Variants in AKIRIN1 observed in about 807,000 individuals in gnomAD.
The protein encoded by AKIRIN1 is akirin-1.
A neutral mutation model predicts 25.9 loss-of-function variants in AKIRIN1; 4 were observed. The ratio of observed to expected loss-of-function variants is 0.15; its 90% CI spans 0.08 to 0.35. The LOEUF (loss-of-function observed/expected upper bound fraction) is 0.35. Ranked by LOEUF, AKIRIN1 falls within the 10% of genes least tolerant of loss-of-function variation. The probability of loss-of-function intolerance (pLI) is 1.00; values close to 1 mark genes in which losing one functional copy is unlikely to be tolerated. For missense variants in AKIRIN1, 243 were observed against 266.1 expected (o/e 0.91, Z 0.61); for synonymous variants, 125 against 105.1 (o/e 1.19, Z -1.16).
At chr1:39,003,657 C>G (rs1644011341) in intron 4 of AKIRIN1, among the ~76,000 whole-genome samples, 1 of 152,166 alleles carries the variant, frequency 6.6e-6, no homozygotes, top group Non-Finnish European at 1.5e-5. Context: ...ATAATTTGCC[C>G]AAGCTTATAC....
chr1:38,998,414 CG>C, intron 2 of AKIRIN1, 103 bp downstream of exon 2: 1 of 1,246,022 alleles, frequency 8.0e-7, no homozygotes, highest in African/African-American at 1.5e-5. Flanking sequence ...GAATTGCTAA[CG>C]GGGATGTATT....
At chr1:38,994,052 A>T (rs1455437818) in intron 1 of AKIRIN1, among the ~76,000 whole-genome samples, 2 of 151,468 alleles carry the variant, frequency 1.3e-5, no homozygotes, top group Non-Finnish European at 3.0e-5. Context: ...CCTGGGTGAC[A>T]AGAGTGAAAC....
chr1:39,002,729 C>CA (rs200613128), intron 3 of AKIRIN1, among the ~76,000 whole-genome samples: 67 of 143,514 alleles, frequency 4.7e-4, no homozygotes, highest in Middle Eastern at 3.6e-3. Context: ...GACTCCATCT[C>CA]AAAAAAAAAA....
At position 39,004,090 on chromosome 1, in the gene AKIRIN1, T is replaced by G; in HGVS notation, c.*35T>G. On this transcript the variant is annotated 3_prime_UTR_variant, in exon 5 of 5. Transcript: ENST00000432648. ...ACATATCTGGGTACCAGGTTTGACC[T>G]CAAGAGATGGCTGCTGTACACTTTT... is the stretch of plus-strand genomic sequence containing the variant. The G allele has an allele frequency of 6.2e-7, 1 of 1,604,722 alleles. No homozygotes were observed. The highest frequency in any genetic ancestry group is 8.5e-7 in the Non-Finnish European group (1 of 1,171,464).
intron 1 of AKIRIN1, among the ~76,000 whole-genome samples, chr1:38,994,666 C>T (rs982454248): frequency 9.7e-5 from 11 of 113,222 alleles, no homozygotes; most frequent in African/African-American, 3.3e-4. Flanking sequence ...TCACTACGCT[C>T]GGCTAATTTT....
intron 2 of AKIRIN1, among the ~76,000 whole-genome samples, chr1:38,999,874 G>A (rs1557642686): frequency 1.3e-5 from 2 of 150,990 alleles, no homozygotes; most frequent in Non-Finnish European, 2.9e-5. Flanking sequence ...TTTTGTTTTT[G>A]TTTTTTGTTT....
At chr1:39,004,023 G>GT in intron 4 of AKIRIN1, 22 bp from the exon 5 acceptor site, 2 of 1,595,452 alleles carry the variant, frequency 1.3e-6, no homozygotes, top group Non-Finnish European at 1.7e-6. Flanking sequence ...TACCCTTTTT[G>GT]TTTTTTATTC....
intron 4 of AKIRIN1, 125 bp from the exon 5 acceptor site, chr1:39,003,920 A>G: frequency 1.3e-6 from 1 of 756,678 alleles, no homozygotes. Flanking sequence ...GATCTTTAGT[A>G]TCTTTTAAGT....
Position 38,991,547 on chromosome 1 carries a change from A to G in AKIRIN1, c.167A>G (p.Gln56Arg), listed in dbSNP as rs565247595. The G allele has an allele frequency of 6.2e-6, 9 of 1,449,002 alleles. No homozygotes were observed. In the Admixed American group the frequency reaches 2.0e-4, roughly 32 times the overall value. 89.8% of individuals were successfully genotyped at this position (1,449,002 alleles called of 1,614,324 possible). Residue 56 changes from glutamine to arginine, a missense_variant, in exon 1 of 5, where the codon CAG (glutamine) becomes CGG (arginine). Physicochemically the swap from Gln to Arg is conservative, Grantham distance 43. Transcript: ENST00000432648. ...PPPFQTQTPP[Q>R]SLQQPAPPGS... ...CCGTTTCAGACGCAGACCCCACCGC[A>G]GAGTCTGCAGCAGCCCGCCCCGCCC...
intron 2 of AKIRIN1, 36 bp downstream of exon 2, chr1:38,998,347 A>G: frequency 6.4e-7 from 1 of 1,569,510 alleles, no homozygotes. Flanking sequence ...TCGCATTAAG[A>G]GTTTGTAAAT....
In AKIRIN1 at chr1:38,991,359, C is replaced by G. The variant is rs1160069263; in HGVS notation, c.-22C>G. On this transcript the variant is annotated 5_prime_UTR_variant, in exon 1 of 5. Coordinates refer to ENST00000432648, the MANE Select transcript of AKIRIN1 (RefSeq NM_024595.3). ...CCGCACTTACCGCCGCGTCCGCTCC[C>G]GGTCCCTGGCCCCTCAGCGGCATGG... The G allele has an allele frequency of 2.0e-5, 27 of 1,338,414 alleles. No homozygotes were observed. The highest frequency in any genetic ancestry group is 2.4e-5 in the Non-Finnish European group (25 of 1,047,088). 82.9% of individuals were successfully genotyped at this position (1,338,414 alleles called of 1,614,324 possible). A position where few individuals can be genotyped will look rare whatever the true frequency, so the allele number is the denominator to read the frequency against.
chr1:38,992,009 A>C, intron 1 of AKIRIN1, among the ~76,000 whole-genome samples: 1 of 48,872 alleles, frequency 2.0e-5, no homozygotes, highest in African/African-American at 7.9e-5. Flanking sequence ...CGGGGGTGGG[A>C]TGGGGGCGGG....
In AKIRIN1 at chr1:39,004,988, T is replaced by A. The variant is rs551523490; in HGVS notation, c.*933T>A. On this transcript the variant is annotated 3_prime_UTR_variant, in exon 5 of 5. Coordinates refer to ENST00000432648, the MANE Select transcript of AKIRIN1 (RefSeq NM_024595.3). ...AGCACTGCTACTTGGGAGGAGCCAC[T>A]TCACCTTTGTATTAGTTATTAAAAA... 6.6e-6 allele frequency: 1 copy of A among 152,416 alleles called. No homozygotes were observed. The highest frequency in any genetic ancestry group is 1.9e-4 in the East Asian group (1 of 5,184). The allele number at this position is 152,416 out of a possible 1,614,324, so 9.4% of individuals were successfully genotyped here.
At chr1:38,998,053 A>G (rs1316643665) in intron 1 of AKIRIN1, 118 bp from the exon 2 acceptor site, 54 of 1,144,536 alleles carry the variant, frequency 4.7e-5, no homozygotes, top group Non-Finnish European at 6.3e-5. Context: ...TGAGACCTAC[A>G]TGCCAAAGGG....
chr1:38,997,246 T>TACA (rs1199907661), intron 1 of AKIRIN1, among the ~76,000 whole-genome samples: 1 of 152,192 alleles, frequency 6.6e-6, no homozygotes, highest in African/African-American at 2.4e-5. Flanking sequence ...GATTCTTTGT[T>TACA]GTTTCTAGGA....
At position 39,003,443 on chromosome 1, in the gene AKIRIN1, A is replaced by T. The variant is rs1644009854; in HGVS notation, c.568+25A>T. On this transcript the variant is annotated intron_variant, in intron 4 of 4. Coordinates refer to ENST00000432648, the MANE Select transcript of AKIRIN1 (RefSeq NM_024595.3). ...TGTAAGTATTGCCACATTTTCTTTG[A>T]ATTTTCTAAGTTTCAAGAGCAAAAT... The T allele has an allele frequency of 2.5e-6, 4 of 1,606,974 alleles. No individual in the cohort carries two copies. In the African/African-American group the frequency reaches 5.4e-5, roughly 22 times the overall value.
At chr1:38,992,635 C>G (rs936098932) in intron 1 of AKIRIN1, among the ~76,000 whole-genome samples, 4 of 152,138 alleles carry the variant, frequency 2.6e-5, no homozygotes, top group Non-Finnish European at 5.9e-5. Context: ...ATTCCTACAC[C>G]CAGCTAAAGC....
intron 2 of AKIRIN1, among the ~76,000 whole-genome samples, chr1:38,998,873 C>CA (rs397860789): frequency 0.22 from 29,753 of 136,866 alleles, 3,556 homozygotes; most frequent in East Asian, 0.47. Flanking sequence ...GTCTCTGTCT[C>CA]AAAAAAAAAA....
In AKIRIN1 at chr1:39,004,527, A is replaced by C; in HGVS notation, c.*472A>C. 1 of 254,968 alleles carries C rather than the reference A, an allele frequency of 3.9e-6. No homozygotes were observed. The highest frequency in any genetic ancestry group is 4.2e-5 in the South Asian group (1 of 23,750). 15.8% of individuals were successfully genotyped at this position (254,968 alleles called of 1,614,324 possible). ...GGTAAAAAAACATTTGCTTGGTCTA[A>C]AGAAGATCATTAATGTTTTGTGACC... On this transcript the variant is annotated 3_prime_UTR_variant, in exon 5 of 5. Coordinates refer to ENST00000432648, the MANE Select transcript of AKIRIN1 (RefSeq NM_024595.3).
Sources: gnomAD v4.1 joint callset for allele counts (sites outside exome capture counted in the v4.1 genomes callset) on GRCh38, gnomAD v4.1.1 for gene constraint, MANE v1.5 for transcripts, NCBI Gene and HGNC (gene_info 2026-07-23, HGNC 2026-07-21) for gene names.